The following MRPS14 variants were observed in gnomAD, a reference collection of about 807,000 sequenced individuals.
MRPS14 encodes small ribosomal subunit protein uS14m.
A neutral mutation model predicts 16.4 loss-of-function variants in MRPS14; 14 were observed. The ratio of observed to expected loss-of-function variants is 0.85; its 90% CI spans 0.56 to 1.33. The LOEUF (loss-of-function observed/expected upper bound fraction) is 1.33. Ranked by LOEUF, MRPS14 falls within the 40% of genes most tolerant of loss-of-function variation. The pLI, the probability that MRPS14 is intolerant of heterozygous loss-of-function variation, is 0.00. For synonymous variants in MRPS14, 54 were observed against 61.9 expected, an observed-to-expected ratio of 0.87 and a Z score of 0.60; for missense variants, 162 against 176.8, an observed-to-expected ratio of 0.92 and a Z score of 0.48.
chr1:175,020,891 T>C (rs139582910), intron 1 of MRPS14, among the ~76,000 whole-genome samples: 11 of 152,344 alleles, frequency 7.2e-5, no homozygotes, highest in African/African-American at 2.6e-4. Flanking sequence ...TCTATTCTGC[T>C]CTGTACACAT....
At chr1:175,022,297 TTTC>T (rs1672991935) in intron 1 of MRPS14, among the ~76,000 whole-genome samples, 1 of 152,118 alleles carries the variant, frequency 6.6e-6, no homozygotes, top group Non-Finnish European at 1.5e-5. Flanking sequence ...ATTTCATCTA[TTTC>T]TTATTTTTTA....
At chr1:175,017,978 G>C (rs1432570765) in intron 2 of MRPS14, among the ~76,000 whole-genome samples, 1 of 152,114 alleles carries the variant, frequency 6.6e-6, no homozygotes, top group East Asian at 1.9e-4. Context: ...ACAAAAATTA[G>C]CCAGGCATGG....
At chr1:175,015,647 T>C (rs983409665) in intron 2 of MRPS14, among the ~76,000 whole-genome samples, 2 of 152,220 alleles carry the variant, frequency 1.3e-5, no homozygotes, top group African/African-American at 4.8e-5. Context: ...GGGAGAAAAG[T>C]AGGGATTACA....
Position 175,014,788 on chromosome 1 carries a change from G to A in MRPS14, c.268C>T (p.Arg90Trp), listed in dbSNP as rs1414068648. 3.7e-6 allele frequency: 6 copies of A among 1,614,086 alleles called. No homozygotes were observed. The highest frequency in any genetic ancestry group is 1.1e-5 in the South Asian group (1 of 91,074). The change falls in exon 3 of 3, where the codon CGG becomes TGG. Residue 90 changes from arginine (R) to tryptophan (W), a missense_variant. By Grantham distance (101) the Arg-to-Trp change is moderately radical. Coordinates refer to ENST00000476371, the MANE Select transcript of MRPS14 (RefSeq NM_022100.3). ...CGCGGACGGGACGTCATAACACACC[G>A]ATTTCTGATTCTAACAGGACAGCTA... is the stretch of plus-strand genomic sequence containing the variant. ...RDSCPVRIRNRCVMTSRPRGV... is the reference protein window; with the variant it reads ...RDSCPVRIRNWCVMTSRPRGV...
intron 1 of MRPS14, 88 bp from the exon 2 acceptor site, chr1:175,018,664 A>AC (rs1672925696): frequency 1.7e-6 from 2 of 1,201,550 alleles, no homozygotes. Context: ...TTCTGCCACT[A>AC]TTTATCATTT....
intron 1 of MRPS14, among the ~76,000 whole-genome samples, chr1:175,023,020 T>C (rs1673008074): frequency 6.6e-6 from 1 of 152,166 alleles, no homozygotes; most frequent in Admixed American, 6.5e-5. Flanking sequence ...TCCATCTCCC[T>C]AGCTGACAAC....
Position 175,018,432 on chromosome 1 carries a change from G to A in MRPS14, c.190C>T (p.Pro64Ser). The A allele has an allele frequency of 6.3e-7, 1 of 1,595,584 alleles. No homozygotes were observed. The highest frequency in any genetic ancestry group is 8.5e-7 in the Non-Finnish European group (1 of 1,174,134). ...INSLRKNTIL[P>S]KILQDVADEE... The stretch of plus-strand genomic sequence containing the variant: ...AATTAGCTAACCTGAAGAATTTTTG[G>A]CAAAATGGTATTCTTCCTGAGTGAA... Residue 64 changes from proline (P) to serine (S), a missense_variant, in exon 2 of 3, where the codon CCA (proline) becomes TCA (serine). Transcript: ENST00000476371.
intron 2 of MRPS14, among the ~76,000 whole-genome samples, chr1:175,015,952 C>G (rs753836328): frequency 3.3e-5 from 5 of 152,212 alleles, no homozygotes; most frequent in Non-Finnish European, 7.3e-5. Context: ...AATCCCAGCA[C>G]TTTGGGACGC....
At chr1:175,018,618 C>T in intron 1 of MRPS14, 42 bp from the exon 2 acceptor site, 3 of 1,530,524 alleles carry the variant, frequency 2.0e-6, no homozygotes, top group Non-Finnish European at 2.6e-6. Context: ...ATAGCCAGGA[C>T]AACATTCTGA....
chr1:175,023,163 T>G, intron 1 of MRPS14: 6 of 1,289,380 alleles, frequency 4.7e-6, no homozygotes, highest in Non-Finnish European at 6.3e-6. Flanking sequence ...CCAATACCAG[T>G]TAGTCATATG....
chr1:175,017,264 T>C (rs1204959996), intron 2 of MRPS14, among the ~76,000 whole-genome samples: 1 of 152,144 alleles, frequency 6.6e-6, no homozygotes, highest in Middle Eastern at 3.2e-3. Flanking sequence ...CAGGTTGGTC[T>C]TGAACTCCTG....
intron 1 of MRPS14, among the ~76,000 whole-genome samples, chr1:175,022,798 C>A (rs2105949): frequency 0.75 from 113,251 of 150,986 alleles, 43,496 homozygotes; most frequent in African/African-American, 0.92. Flanking sequence ...CTATACTCCA[C>A]TTTATTTCCT....
chr1:175,021,769 T>C (rs7514888), intron 1 of MRPS14, among the ~76,000 whole-genome samples: 114,176 of 152,110 alleles, frequency 0.75, 43,884 homozygotes, highest in African/African-American at 0.92. Flanking sequence ...TACAGGGTCT[T>C]TCTCCCCTTA....
intron 1 of MRPS14, among the ~76,000 whole-genome samples, chr1:175,019,409 G>A (rs1443319298): frequency 1.3e-5 from 2 of 152,228 alleles, no homozygotes; most frequent in African/African-American, 4.8e-5. Flanking sequence ...AGCCTCCTGA[G>A]TAGCTCAGAC....
At chr1:175,017,057 C>CT (rs144706762) in intron 2 of MRPS14, among the ~76,000 whole-genome samples, 30,885 of 148,230 alleles carry the variant, frequency 0.21, 3,337 homozygotes, top group Admixed American at 0.25. Context: ...GCCCCCTGCC[C>CT]TTTTTTTTTT....
chr1:175,020,081 G>A (rs1672951105), intron 1 of MRPS14, among the ~76,000 whole-genome samples: 1 of 152,160 alleles, frequency 6.6e-6, no homozygotes, highest in Non-Finnish European at 1.5e-5. Context: ...TATTGATGTG[G>A]CATATGACTG....
chr1:175,020,956 G>A (rs1264219000), intron 1 of MRPS14, among the ~76,000 whole-genome samples: 3 of 151,806 alleles, frequency 2.0e-5, no homozygotes, highest in Non-Finnish European at 4.4e-5. Context: ...TTTCCACTGG[G>A]CCCTCTCAAT....
chr1:175,018,766 A>G (rs1225405566), intron 1 of MRPS14, among the ~76,000 whole-genome samples, 190 bp from the exon 2 acceptor site: 1 of 152,248 alleles, frequency 6.6e-6, no homozygotes, highest in African/African-American at 2.4e-5. Context: ...TTATGGATGT[A>G]TATTAAGTCA....
chr1:175,018,063 G>T (rs904680773), intron 2 of MRPS14, among the ~76,000 whole-genome samples: 5 of 152,048 alleles, frequency 3.3e-5, no homozygotes, highest in African/African-American at 1.2e-4. Context: ...GGCGGAGGTT[G>T]TGGTGAGCCG....
Sources: allele counts gnomAD v4.1 joint callset (sites outside exome capture counted in the v4.1 genomes callset), GRCh38; gene constraint gnomAD v4.1.1; transcripts MANE v1.5; gene names NCBI Gene and HGNC (gene_info 2026-07-23, HGNC 2026-07-21).